KIAA0586: variants seen among roughly 807,000 people sequenced by gnomAD.
KIAA0586 encodes protein TALPID3.
In KIAA0586, 144 loss-of-function variants were observed where a neutral mutation model predicts 169.8. That is an observed-to-expected ratio of 0.85 (90% confidence interval 0.74 to 0.97). The LOEUF (loss-of-function observed/expected upper bound fraction) is 0.97. Ranked by LOEUF, KIAA0586 falls within the 50% of genes least tolerant of loss-of-function variation. The probability of loss-of-function intolerance (pLI) is 0.00; values close to 1 mark genes in which losing one functional copy is unlikely to be tolerated. For missense variants in KIAA0586, 1,854 were observed against 1,823.0 expected, an observed-to-expected ratio of 1.02 and a Z score of -0.31; for synonymous variants, 625 against 612.4, an observed-to-expected ratio of 1.02 and a Z score of -0.30.
intron 29 of KIAA0586, among the ~76,000 whole-genome samples, chr14:58,519,962 A>T (rs1161614936): frequency 6.6e-6 from 1 of 152,186 alleles, no homozygotes; most frequent in Non-Finnish European, 1.5e-5. Flanking sequence ...CAGTGGACTA[A>T]TCTAAAGTGA....
At chr14:58,427,414 C>G (rs118123619), upstream of KIAA0586, 1 of 587,014 alleles carries the variant, frequency 1.7e-6, no homozygotes, top group East Asian at 2.9e-5. Context: ...CCCTAACGGT[C>G]TTCGGAAGCG....
At chr14:58,529,100 T>C (rs1409914623) in intron 29 of KIAA0586, among the ~76,000 whole-genome samples, 1 of 151,994 alleles carries the variant, frequency 6.6e-6, no homozygotes, top group Non-Finnish European at 1.5e-5. Flanking sequence ...AACTACAAAA[T>C]CTAGAAGAAA....
rs2047156049 is a variant in KIAA0586, at chr14:58,549,684, T to C, written c.*1752T>C. ...TCTGCTCTGTGGATTTTAATTTGTT[T>C]TTGATATTCATCTACAAGACTCTGG... On this transcript the variant is annotated 3_prime_UTR_variant, in exon 31 of 31. Coordinates refer to ENST00000652326, the MANE Select transcript of KIAA0586 (RefSeq NM_001329943.3). The C allele has an allele frequency of 6.6e-6, 1 of 152,244 alleles. No homozygotes were observed. Among genetic ancestry groups the C allele is most frequent in the Admixed American group, 6.5e-5 (1 of 15,278 alleles). 9.4% of individuals were successfully genotyped at this position (152,244 alleles called of 1,614,324 possible). A position where few individuals can be genotyped will look rare whatever the true frequency, so the allele number is the denominator to read the frequency against.
chr14:58,515,138 C>A (rs1163930925), intron 29 of KIAA0586, among the ~76,000 whole-genome samples: 1 of 151,316 alleles, frequency 6.6e-6, no homozygotes, highest in African/African-American at 2.4e-5. Context: ...AAAAATAAGT[C>A]ATATGTTTTA....
chr14:58,434,788 T>C (rs1267013612), intron 4 of KIAA0586, among the ~76,000 whole-genome samples: 2 of 152,326 alleles, frequency 1.3e-5, no homozygotes, highest in Non-Finnish European at 2.9e-5. Context: ...TTTATTTTGT[T>C]GAGACAGGAT....
At chr14:58,485,651 A>C (rs1349079109) in intron 21 of KIAA0586, among the ~76,000 whole-genome samples, 1 of 152,186 alleles carries the variant, frequency 6.6e-6, no homozygotes, top group African/African-American at 2.4e-5. Context: ...AGAGAGACTT[A>C]ATTTTCACTA....
intron 14 of KIAA0586, chr14:58,463,967 C>A: frequency 6.8e-6 from 3 of 444,234 alleles, no homozygotes; most frequent in Non-Finnish European, 1.4e-5. Context: ...CAAGACCTTG[C>A]AGGACCTCAC....
chr14:58,428,456 A>T lies in KIAA0586; in HGVS notation c.192A>T (p.Thr64=), dbSNP rs1293714711. The change falls in exon 1 of 31, where the codon ACA becomes ACT. Residue 64 remains threonine (T), a synonymous_variant. Transcript: ENST00000652326. ...GAACGGGGACTAGTTTGAATGGAAC[A>T]TCACGTGGTATGTGATTCCATGTAG... ...PVGTGTSLNG[T]SRGSSDLTSA... 1 of 1,607,458 alleles carries T rather than the reference A, an allele frequency of 6.2e-7. No homozygotes were observed. The highest frequency in any genetic ancestry group is 2.2e-5 in the East Asian group (1 of 44,844).
chr14:58,492,198 C>A lies in KIAA0586; in HGVS notation c.3913C>A (p.His1305Asn). 1 of 1,550,252 alleles carries A rather than the reference C, an allele frequency of 6.5e-7. No individual in the cohort carries two copies. Among genetic ancestry groups the A allele is most frequent in the South Asian group, 1.2e-5 (1 of 83,856 alleles). The change falls in exon 26 of 31, where the codon CAT becomes AAT. Residue 1305 changes from histidine to asparagine, a missense_variant. His to Asn is a moderately conservative substitution (Grantham distance 68). Transcript: ENST00000652326. ...GATTAGGATGTCCCATAAAAAATTT[C>A]ATGCAGATGCAATTCTTTCTTTTGC... ...QVIRMSHKKF[H>N]ADAILSFAKQ... is the part of the protein sequence containing the mutation.
intron 21 of KIAA0586, among the ~76,000 whole-genome samples, chr14:58,486,302 T>G (rs1218871709): frequency 6.6e-6 from 1 of 152,200 alleles, no homozygotes; most frequent in Non-Finnish European, 1.5e-5. Context: ...TTTATGGCTG[T>G]GTAGTATTCC....
At chr14:58,442,559 A>T (rs1339338008) in intron 4 of KIAA0586, 147 bp from the exon 5 acceptor site, 5 of 575,210 alleles carry the variant, frequency 8.7e-6, no homozygotes, top group African/African-American at 1.9e-5. Context: ...ACCTTGATAA[A>T]TTTTGTTAAC....
At chr14:58,467,290 A>G (rs1470939037) in intron 15 of KIAA0586, among the ~76,000 whole-genome samples, 2 of 152,192 alleles carry the variant, frequency 1.3e-5, no homozygotes, top group Non-Finnish European at 2.9e-5. Flanking sequence ...GAAGCACAAA[A>G]GGGTTACATA....
chr14:58,463,664 A>C (rs191703222), intron 14 of KIAA0586, among the ~76,000 whole-genome samples: 2 of 152,188 alleles, frequency 1.3e-5, no homozygotes, highest in African/African-American at 4.8e-5. Flanking sequence ...CTGTCTCTAC[A>C]ATAAATTAAA....
chr14:58,427,638 G>A (rs1490434047), upstream of KIAA0586: 6 of 1,535,672 alleles, frequency 3.9e-6, no homozygotes, highest in Admixed American at 5.9e-5. Context: ...GATGTTTTGG[G>A]TGAGTTTCTT....
At chr14:58,555,099 C>CTTTT (rs35845234), downstream of KIAA0586, among the ~76,000 whole-genome samples, 312 of 102,492 alleles carry the variant, frequency 3.0e-3, no homozygotes, top group Non-Finnish European at 3.9e-3. Context: ...TTCTTTCTTT[C>CTTTT]TTTTTTTTTT....
At chr14:58,444,228 C>A in intron 6 of KIAA0586, 53 bp downstream of exon 6, 1 of 1,151,164 alleles carries the variant, frequency 8.7e-7, no homozygotes, top group Non-Finnish European at 1.3e-6. Context: ...ACTTGGATCT[C>A]TCAGCCAGTA....
chr14:58,522,469 G>C (rs1221414478), intron 29 of KIAA0586, among the ~76,000 whole-genome samples: 1 of 152,166 alleles, frequency 6.6e-6, no homozygotes, highest in Non-Finnish European at 1.5e-5. Flanking sequence ...CAACACAAAT[G>C]CAACAACGTA....
Position 58,428,109 on chromosome 14 carries a change from T to A in KIAA0586, c.-156T>A. 1 of 1,462,670 alleles carries A rather than the reference T, an allele frequency of 6.8e-7. No individual in the cohort carries two copies. Among genetic ancestry groups the A allele is most frequent in the Non-Finnish European group, 9.0e-7 (1 of 1,111,686 alleles). The allele number at this position is 1,462,670 out of a possible 1,614,324, so 90.6% of individuals were successfully genotyped here. On this transcript the variant is annotated 5_prime_UTR_variant, in exon 1 of 31. Transcript: ENST00000652326. ...ATGACTTTATAGTCAGCTCTAATCC[T>A]GGATTCAATATCAGAATTTAGATTT...
chr14:58,501,304 A>G (rs956159606), intron 27 of KIAA0586, among the ~76,000 whole-genome samples: 1 of 152,252 alleles, frequency 6.6e-6, no homozygotes, highest in African/African-American at 2.4e-5. Flanking sequence ...TAATGAGAGT[A>G]TTAAATGTTT....
Sources: allele counts gnomAD v4.1 joint callset (sites outside exome capture counted in the v4.1 genomes callset), GRCh38; gene constraint gnomAD v4.1.1; transcripts MANE v1.5; gene names NCBI Gene and HGNC (gene_info 2026-07-23, HGNC 2026-07-21).